The following GNG7 variants were observed in gnomAD, a reference collection of about 807,000 sequenced individuals.
GNG7 encodes the protein guanine nucleotide-binding protein G(I)/G(S)/G(O) subunit gamma-7.
In GNG7, 1 loss-of-function variant was observed where a neutral mutation model predicts 4.0. The observed-to-expected ratio is 0.25, with a 90% CI of 0.09 to 1.18. The LOEUF is 1.18. GNG7 is among the 50% of genes most tolerant of loss of function. The probability of loss-of-function intolerance (pLI) is 0.50; values close to 1 mark genes in which losing one functional copy is unlikely to be tolerated. For missense variants in GNG7, 86 were observed against 91.9 expected (o/e 0.94, Z 0.26); for synonymous variants, 34 against 36.9 (o/e 0.92, Z 0.29).
chr19:2,675,680 TGG>T (rs1194968250), intron 1 of GNG7, among the ~76,000 whole-genome samples: 2 of 151,744 alleles, frequency 1.3e-5, no homozygotes, highest in African/African-American at 2.4e-5. Flanking sequence ...TCCCGACACT[TGG>T]GGGTCTCAAT....
chr19:2,636,457 G>T (rs1185759645), intron 2 of GNG7, among the ~76,000 whole-genome samples: 2 of 152,146 alleles, frequency 1.3e-5, no homozygotes, highest in Admixed American at 6.5e-5. Context: ...ACAAGCCAGG[G>T]TCTGATTCCC....
intron 1 of GNG7, among the ~76,000 whole-genome samples, chr19:2,677,131 G>A (rs1438804148): frequency 2.0e-5 from 3 of 152,144 alleles, no homozygotes; most frequent in Non-Finnish European, 4.4e-5. Flanking sequence ...ATTCTTCCAG[G>A]GAGCAGGATC....
intron 2 of GNG7, among the ~76,000 whole-genome samples, chr19:2,645,243 CTT>C (rs10674864): frequency 3.0e-5 from 4 of 135,496 alleles, no homozygotes; most frequent in Non-Finnish European, 3.1e-5. Context: ...CTCTCTCTCT[CTT>C]TTTTTTTTTT....
chr19:2,622,812 C>T (rs1981917793), intron 2 of GNG7, among the ~76,000 whole-genome samples: 2 of 151,802 alleles, frequency 1.3e-5, no homozygotes, highest in South Asian at 2.1e-4. Context: ...ATGCGAGCAA[C>T]GCGGCAGAGA....
chr19:2,638,150 G>A (rs889553211), intron 2 of GNG7, among the ~76,000 whole-genome samples: 3 of 151,942 alleles, frequency 2.0e-5, no homozygotes, highest in East Asian at 3.9e-4. Flanking sequence ...GGATCACGAG[G>A]TCAGGAGTTC....
Position 2,514,986 on chromosome 19 carries a change from A to AAGAGAGAG in GNG7, c.*28_*35dup. ...ACAGAGACAGAGAGAGAGAGAGAGA[A>AAGAGAGAG]AGAGAGAGAGAGAGAGAGAACATAT... On this transcript the variant is annotated 3_prime_UTR_variant, in exon 5 of 5. Coordinates refer to ENST00000382159, the MANE Select transcript of GNG7 (RefSeq NM_052847.3). The AAGAGAGAG allele has an allele frequency of 9.5e-7, 1 of 1,055,078 alleles. No homozygotes were observed. Among genetic ancestry groups the AAGAGAGAG allele is most frequent in the Non-Finnish European group, 1.3e-6 (1 of 757,358 alleles). The allele number at this position is 1,055,078 out of a possible 1,614,324, so 65.4% of individuals were successfully genotyped here. A position where few individuals can be genotyped will look rare whatever the true frequency, so the allele number is the denominator to read the frequency against.
chr19:2,651,764 C>A (rs935654110), intron 1 of GNG7, among the ~76,000 whole-genome samples: 1 of 151,726 alleles, frequency 6.6e-6, no homozygotes, highest in Non-Finnish European at 1.5e-5. Flanking sequence ...TGGTGTTATG[C>A]CATATTGGCC....
At chr19:2,583,582 T>C (rs1980563160) in intron 2 of GNG7, among the ~76,000 whole-genome samples, 1 of 152,236 alleles carries the variant, frequency 6.6e-6, no homozygotes, top group Non-Finnish European at 1.5e-5. Context: ...ACTTTCACAC[T>C]TCCTGATGAG....
intron 2 of GNG7, among the ~76,000 whole-genome samples, chr19:2,564,307 T>C (rs1170130632): frequency 8.6e-5 from 13 of 151,826 alleles, no homozygotes; most frequent in Non-Finnish European, 1.6e-4. Context: ...CAGGCTGAGA[T>C]TGGTGGCTCA....
intron 2 of GNG7, among the ~76,000 whole-genome samples, chr19:2,624,519 A>C (rs1275620999): frequency 7.1e-6 from 1 of 139,956 alleles, no homozygotes; most frequent in African/African-American, 2.8e-5. Flanking sequence ...AGACAGCGAG[A>C]CTCCGTCTCA....
chr19:2,576,301 A>G (rs1283767498), intron 2 of GNG7, among the ~76,000 whole-genome samples: 2 of 152,224 alleles, frequency 1.3e-5, no homozygotes, highest in African/African-American at 4.8e-5. Flanking sequence ...TGCCGGGTTG[A>G]TTCCAGCAGA....
intron 3 of GNG7, chr19:2,538,281 G>A (rs1281360625): frequency 8.8e-6 from 4 of 456,318 alleles, no homozygotes; most frequent in African/African-American, 2.0e-5. Flanking sequence ...GAATGAAACC[G>A]ACCAGGTCAA....
chr19:2,538,582 G>T lies in GNG7; in HGVS notation c.-38+16567C>A, dbSNP rs556684648. The T allele has an allele frequency of 2.5e-4, 95 of 383,024 alleles. 1 individual carries two copies. Among genetic ancestry groups the T allele is most frequent in the South Asian group, 1.9e-3 (94 of 49,550 alleles). 23.7% of individuals were successfully genotyped at this position (383,024 alleles called of 1,614,324 possible). ...GGAGTTGGAAGCTGAAGTGAGCTAT[G>T]ATTGCACCGCTGCACTCCAGCCTGG... On this transcript the variant is annotated intron_variant, in intron 3 of 4. Coordinates refer to ENST00000382159, the MANE Select transcript of GNG7 (RefSeq NM_052847.3).
intron 1 of GNG7, among the ~76,000 whole-genome samples, chr19:2,659,326 C>T (rs915100922): frequency 8.0e-5 from 12 of 149,932 alleles, no homozygotes; most frequent in Non-Finnish European, 1.3e-4. Flanking sequence ...CGTCTGTCAT[C>T]CCAGCACTTT....
chr19:2,586,855 C>T (rs959869157), intron 2 of GNG7, among the ~76,000 whole-genome samples: 5 of 151,860 alleles, frequency 3.3e-5, no homozygotes, highest in African/African-American at 7.2e-5. Flanking sequence ...TGTGGTGTCA[C>T]GTGCCTGTAG....
chr19:2,596,216 G>A (rs1170868480), intron 2 of GNG7, among the ~76,000 whole-genome samples: 34 of 152,062 alleles, frequency 2.2e-4, no homozygotes, highest in Non-Finnish European at 4.4e-5. Context: ...AAAATTAGCC[G>A]GGTGCGGTGG....
intron 1 of GNG7, among the ~76,000 whole-genome samples, chr19:2,696,523 CA>C (rs1294990797): frequency 1.3e-5 from 2 of 152,220 alleles, no homozygotes; most frequent in Non-Finnish European, 2.9e-5. Flanking sequence ...ATTTACATCC[CA>C]GCACTGTGCT....
chr19:2,623,598 T>C (rs1981937294), intron 2 of GNG7, among the ~76,000 whole-genome samples: 1 of 152,108 alleles, frequency 6.6e-6, no homozygotes, highest in Non-Finnish European at 1.5e-5. Context: ...AAAACCAAAT[T>C]GGCCAGGTGT....
chr19:2,560,351 T>C (rs1237304671), intron 2 of GNG7, among the ~76,000 whole-genome samples: 1 of 151,650 alleles, frequency 6.6e-6, no homozygotes. Context: ...CCCAGGTCTG[T>C]CTCCCACCGG....
Sources: gnomAD v4.1 joint callset for allele counts (sites outside exome capture counted in the v4.1 genomes callset) on GRCh38, gnomAD v4.1.1 for gene constraint, MANE v1.5 for transcripts, NCBI Gene and HGNC (gene_info 2026-07-23, HGNC 2026-07-21) for gene names.